Variants in CPO observed in about 807,000 individuals in gnomAD.
CPO encodes the protein carboxypeptidase O, also known as metallocarboxypeptidase C.
In CPO, 43 loss-of-function variants were observed where a neutral mutation model predicts 41.2. That is an observed-to-expected ratio of 1.04 (90% CI 0.82 to 1.35). The LOEUF is 1.35. Among genes scored for constraint, CPO ranks in the 40% most tolerant of loss-of-function variants. The pLI, the probability that CPO is intolerant of heterozygous loss-of-function variation, is 0.00. For missense variants in CPO, 408 were observed against 451.7 expected, an observed-to-expected ratio of 0.90 and a Z score of 0.88; for synonymous variants, 178 against 162.7, an observed-to-expected ratio of 1.09 and a Z score of -0.72.
In CPO at chr2:206,959,684, G is replaced by A; in HGVS notation, c.426G>A (p.Leu142=). 6.3e-7 allele frequency: 1 copy of A among 1,581,684 alleles called. No individual in the cohort carries two copies. Among genetic ancestry groups the A allele is most frequent in the East Asian group, 2.2e-5 (1 of 44,706 alleles). Residue 142 remains leucine, a synonymous_variant, in exon 5 of 9, where the codon CTG becomes CTA. Coordinates refer to ENST00000272852, the MANE Select transcript of CPO (RefSeq NM_173077.3). ...GTATACGCAAGCTCCTTAGGAACCT[G>A]GACTTCTATGTCCTTCCAGTTCTTA... The part of the protein sequence containing the change: ...NSSIRKLLRN[L]DFYVLPVLNI...
chr2:206,943,974 A>T (rs1365816614), intron 1 of CPO, among the ~76,000 whole-genome samples: 2 of 152,078 alleles, frequency 1.3e-5, no homozygotes, highest in African/African-American at 4.8e-5. Flanking sequence ...ATCATACCTC[A>T]TGCCTTGTTA....
At chr2:206,962,757 A>G in intron 7 of CPO, 143 bp downstream of exon 7, 1 of 654,324 alleles carries the variant, frequency 1.5e-6, no homozygotes, top group Non-Finnish European at 2.6e-6. Flanking sequence ...CTGCTTTTGC[A>G]CCTTGCCAGA....
At chr2:206,960,627 T>G (rs1693460781) in intron 5 of CPO, among the ~76,000 whole-genome samples, 1 of 152,232 alleles carries the variant, frequency 6.6e-6, no homozygotes, top group African/African-American at 2.4e-5. Flanking sequence ...AATTTAATTG[T>G]TTACATGTAT....
At chr2:206,962,099 CAAAAAAAAA>C (rs766647290) in intron 6 of CPO, among the ~76,000 whole-genome samples, 1 of 69,444 alleles carries the variant, frequency 1.4e-5, no homozygotes, top group Non-Finnish European at 3.0e-5. Context: ...GACTCTGTCT[CAAAAAAAAA>C]AAAAAAAAAA....
chr2:206,962,370 T>G, intron 6 of CPO, 42 bp from the exon 7 acceptor site: 15 of 1,572,108 alleles, frequency 9.5e-6, no homozygotes, highest in Non-Finnish European at 1.2e-5. Context: ...ATTTCCAAAC[T>G]GAGATCATGC....
intron 3 of CPO, among the ~76,000 whole-genome samples, chr2:206,956,110 T>A (rs545238650): frequency 6.6e-6 from 1 of 152,202 alleles, no homozygotes; most frequent in South Asian, 2.1e-4. Flanking sequence ...CCCTTTTGCA[T>A]GCAACATGAC....
intron 7 of CPO, among the ~76,000 whole-genome samples, chr2:206,963,899 T>G (rs1396988731): frequency 4.6e-5 from 7 of 152,222 alleles, no homozygotes; most frequent in Non-Finnish European, 8.8e-5. Flanking sequence ...ATTTTTAATT[T>G]TTTGGGGAAC....
At chr2:206,963,146 C>G (rs900153689) in intron 7 of CPO, among the ~76,000 whole-genome samples, 2 of 123,448 alleles carry the variant, frequency 1.6e-5, no homozygotes, top group Non-Finnish European at 3.8e-5. Context: ...CAAGCTGGAG[C>G]AGGGAAACTG....
intron 2 of CPO, among the ~76,000 whole-genome samples, chr2:206,951,071 A>C (rs1250770629): frequency 6.7e-6 from 1 of 149,144 alleles, no homozygotes; most frequent in Non-Finnish European, 1.5e-5. Context: ...CTAGAACTTA[A>C]AGTATAATTA....
intron 2 of CPO, among the ~76,000 whole-genome samples, chr2:206,950,965 G>T (rs538488250): frequency 2.0e-5 from 3 of 151,992 alleles, no homozygotes; most frequent in African/African-American, 7.3e-5. Flanking sequence ...AGCATTAGGA[G>T]AAATACCTAA....
chr2:206,969,289 C>A lies in CPO; in HGVS notation c.978C>A (p.Ile326=). 3 of 1,614,094 alleles carry A rather than the reference C, an allele frequency of 1.9e-6. No individual in the cohort carries two copies. Among genetic ancestry groups the A allele is most frequent in the Non-Finnish European group, 2.5e-6 (3 of 1,180,012 alleles). The change falls in exon 9 of 9, where the codon ATC becomes ATA. Residue 326 remains isoleucine, a synonymous_variant. Transcript: ENST00000272852. ...TYGFVLPEAQ[I]QPTCEETMEA... ...GGTTTGTTCTGCCAGAAGCTCAGAT[C>A]CAGCCCACCTGTGAGGAGACCATGG...
intron 7 of CPO, among the ~76,000 whole-genome samples, chr2:206,964,643 G>A (rs1009795734): frequency 3.3e-5 from 5 of 152,128 alleles, no homozygotes; most frequent in Non-Finnish European, 5.9e-5. Flanking sequence ...TTTCCTTCTC[G>A]TTTGTGAGCC....
chr2:206,944,855 G>A (rs1313978562), intron 1 of CPO, among the ~76,000 whole-genome samples: 2 of 151,946 alleles, frequency 1.3e-5, no homozygotes, highest in Non-Finnish European at 2.9e-5. Context: ...AATAAAATTA[G>A]GACTTACATA....
rs971610651 is a variant in CPO, at chr2:206,969,247, G to A, written c.936G>A (p.Arg312=). 1 of 1,614,120 alleles carries A rather than the reference G, an allele frequency of 6.2e-7. No homozygotes were observed. The highest frequency in any genetic ancestry group is 8.5e-7 in the Non-Finnish European group (1 of 1,179,994). Residue 312 remains arginine, a synonymous_variant, in exon 9 of 9, where the codon AGG becomes AGA. Transcript: ENST00000272852. ...GIPFSYTFEL[R]DSGTYGFVLP... is the part of the protein sequence containing the mutation. ...CCTTCTCATATACGTTTGAGCTGAGGGACAGTGGAACATATGGGTTTGTTC... is the reference window on the plus strand; with the variant it reads ...CCTTCTCATATACGTTTGAGCTGAGAGACAGTGGAACATATGGGTTTGTTC...
intron 7 of CPO, among the ~76,000 whole-genome samples, chr2:206,965,640 T>C (rs1693558762): frequency 6.6e-6 from 1 of 152,158 alleles, no homozygotes; most frequent in Admixed American, 6.5e-5. Flanking sequence ...CAAGCTCTGC[T>C]GCCCCCACCC....
intron 2 of CPO, among the ~76,000 whole-genome samples, chr2:206,950,127 T>C (rs1468086323): frequency 6.6e-6 from 1 of 152,150 alleles, no homozygotes; most frequent in Admixed American, 6.6e-5. Context: ...TATTGTAGGA[T>C]TTACAGGACA....
chr2:206,951,019 T>G (rs987910723), intron 2 of CPO, among the ~76,000 whole-genome samples: 2 of 152,092 alleles, frequency 1.3e-5, no homozygotes, highest in African/African-American at 2.4e-5. Flanking sequence ...ACATGGCACA[T>G]GTATACCTAT....
chr2:206,944,346 A>G (rs1267196174), intron 1 of CPO, among the ~76,000 whole-genome samples: 1 of 151,978 alleles, frequency 6.6e-6, no homozygotes, highest in African/African-American at 2.4e-5. Context: ...TCTTTACAAA[A>G]TGATCATCTT....
intron 1 of CPO, among the ~76,000 whole-genome samples, chr2:206,944,290 A>C (rs1255921665): frequency 6.6e-6 from 1 of 152,032 alleles, no homozygotes; most frequent in African/African-American, 2.4e-5. Flanking sequence ...GTATGTTAAG[A>C]ATGAATTTTT....
Sources: gnomAD v4.1 joint callset for allele counts (sites outside exome capture counted in the v4.1 genomes callset) on GRCh38, gnomAD v4.1.1 for gene constraint, MANE v1.5 for transcripts, NCBI Gene and HGNC (gene_info 2026-07-23, HGNC 2026-07-21) for gene names.